PCBP3: variants seen among roughly 807,000 people sequenced by gnomAD.
The protein encoded by PCBP3 is poly(rC)-binding protein 3.
In PCBP3, 25 loss-of-function variants were observed where a neutral mutation model predicts 52.7. The observed-to-expected ratio is 0.47, with a 90% CI of 0.35 to 0.66. The LOEUF (loss-of-function observed/expected upper bound fraction) is 0.66, where lower values mean the gene tolerates loss of function less well. PCBP3 is among the 30% of genes least tolerant of loss of function. PCBP3 has a pLI of 0.01. For missense variants in PCBP3, 391 were observed against 490.3 expected, an observed-to-expected ratio of 0.80 and a Z score of 1.91; for synonymous variants, 162 against 183.0, an observed-to-expected ratio of 0.89 and a Z score of 0.93.
chr21:45,695,582 C>A (rs971964730), intron 2 of PCBP3, among the ~76,000 whole-genome samples: 3 of 152,154 alleles, frequency 2.0e-5, no homozygotes, highest in Non-Finnish European at 4.4e-5. Context: ...CCTTTACTGG[C>A]TTTTACATTT....
intron 9 of PCBP3, among the ~76,000 whole-genome samples, chr21:45,906,666 G>C (rs1818920387): frequency 6.6e-6 from 1 of 152,170 alleles, no homozygotes; most frequent in African/African-American, 2.4e-5. Flanking sequence ...CATGAGGCAG[G>C]GGTCTGCCCA....
chr21:45,924,245 C>A (rs377239375), intron 13 of PCBP3, among the ~76,000 whole-genome samples: 31 of 135,690 alleles, frequency 2.3e-4, no homozygotes, highest in Middle Eastern at 3.8e-3. Flanking sequence ...GGAACAGTCG[C>A]GTGGATAGAA....
intron 2 of PCBP3, among the ~76,000 whole-genome samples, chr21:45,689,613 A>G (rs557679872): frequency 3.9e-5 from 6 of 152,234 alleles, no homozygotes; most frequent in Admixed American, 1.3e-4. Context: ...AAAGGCATAC[A>G]TATTGGATAG....
In PCBP3 at chr21:45,710,148, T is replaced by A. The variant is rs73376697; in HGVS notation, c.-199-25244T>A. Reference sequence around the variant, plus strand: ...CTTCACTGTAAAGTGACTCTTCTTTTTTATTATTATTATTAGTGTTATACT... The same window carrying A: ...CTTCACTGTAAAGTGACTCTTCTTTATTATTATTATTATTAGTGTTATACT... On this transcript the variant is annotated intron_variant, in intron 2 of 17. Coordinates refer to ENST00000681687, the MANE Select transcript of PCBP3 (RefSeq NM_001384156.1). 4.9e-3 allele frequency among the ~76,000 whole-genome samples: 751 copies of A among 152,290 alleles called. 7 individuals carry two copies. The highest frequency in any genetic ancestry group is 0.016 in the African/African-American group (685 of 41,566).
chr21:45,814,654 TG>T (rs1261199003), intron 4 of PCBP3, among the ~76,000 whole-genome samples: 2 of 127,102 alleles, frequency 1.6e-5, no homozygotes, highest in Non-Finnish European at 1.6e-5. Context: ...GAGTGGTGAG[TG>T]AGTGGTGAGT....
chr21:45,840,374 G>T (rs892396035), intron 4 of PCBP3, among the ~76,000 whole-genome samples: 6 of 150,138 alleles, frequency 4.0e-5, no homozygotes, highest in African/African-American at 1.5e-4. Flanking sequence ...GGAGAATGGT[G>T]TGAACCCGGG....
chr21:45,776,055 AT>A (rs918207650), intron 4 of PCBP3, among the ~76,000 whole-genome samples: 3 of 151,762 alleles, frequency 2.0e-5, no homozygotes, highest in African/African-American at 4.8e-5. Flanking sequence ...TGTTTCAAGG[AT>A]TTTTTTTATT....
chr21:45,921,500 T>C (rs969480155), intron 13 of PCBP3, among the ~76,000 whole-genome samples: 1 of 152,218 alleles, frequency 6.6e-6, no homozygotes, highest in Non-Finnish European at 1.5e-5. Flanking sequence ...CTTGTTCTTA[T>C]TTAAGAATCA....
chr21:45,941,906 C>G lies in PCBP3; in HGVS notation c.*200C>G, dbSNP rs969865308. 2.3e-6 allele frequency: 1 copy of G among 434,850 alleles called. No individual in the cohort carries two copies. The highest frequency in any genetic ancestry group is 4.0e-6 in the Non-Finnish European group (1 of 246,998). The allele number at this position is 434,850 out of a possible 1,614,324, so 26.9% of individuals were successfully genotyped here. A position where few individuals can be genotyped will look rare whatever the true frequency, so the allele number is the denominator to read the frequency against. ...ACAGAGGCTGCAGGCTCCGCCGAGT[C>G]CCCCCTCAGTGTTATTTTATTTATG... On this transcript the variant is annotated 3_prime_UTR_variant, in exon 18 of 18. Coordinates refer to ENST00000681687, the MANE Select transcript of PCBP3 (RefSeq NM_001384156.1).
intron 5 of PCBP3, among the ~76,000 whole-genome samples, chr21:45,892,848 G>A (rs531957959): frequency 2.2e-4 from 34 of 152,282 alleles, no homozygotes; most frequent in African/African-American, 4.3e-4. Context: ...CTTAGTGACC[G>A]TCTCCACTGT....
chr21:45,855,532 T>C (rs1302190525), intron 5 of PCBP3, among the ~76,000 whole-genome samples: 19 of 152,222 alleles, frequency 1.2e-4, no homozygotes, highest in Non-Finnish European at 5.9e-5. Context: ...GGGAACCACA[T>C]ACAGAGCCCC....
At chr21:45,753,872 G>A (rs991336523) in intron 3 of PCBP3, among the ~76,000 whole-genome samples, 1 of 152,008 alleles carries the variant, frequency 6.6e-6, no homozygotes, top group South Asian at 2.1e-4. Context: ...TTAATATTGT[G>A]CAGCTTTCTC....
intron 4 of PCBP3, among the ~76,000 whole-genome samples, chr21:45,776,945 T>G (rs931170505): frequency 6.6e-6 from 1 of 152,178 alleles, no homozygotes; most frequent in Non-Finnish European, 1.5e-5. Flanking sequence ...TTAATTTGGG[T>G]GGATTTTTCT....
At chr21:45,803,227 T>C (rs2092374617) in intron 4 of PCBP3, among the ~76,000 whole-genome samples, 1 of 152,228 alleles carries the variant, frequency 6.6e-6, no homozygotes, top group Admixed American at 6.5e-5. Context: ...CTGGGGGTAG[T>C]GGCCATGCAA....
Position 45,736,608 on chromosome 21 carries a change from G to T in PCBP3, c.-162+1179G>T, listed in dbSNP as rs1031166173. Among the ~76,000 whole-genome samples, 1 of 152,156 alleles carries T rather than the reference G, an allele frequency of 6.6e-6. No homozygotes were observed. The highest frequency in any genetic ancestry group is 1.5e-5 in the Non-Finnish European group (1 of 68,012). On this transcript the variant is annotated intron_variant, in intron 3 of 17. Coordinates refer to ENST00000681687, the MANE Select transcript of PCBP3 (RefSeq NM_001384156.1). The surrounding 1 kb of genome is among the most constrained non-coding windows in gnomAD (Gnocchi z 4.6). ...GGGAGTTGGCAGGGGGAGGCTCTCG[G>T]AGAGATGGCATGGAGGGGTTGGGGC...
chr21:45,773,054 T>A (rs2089999428), intron 4 of PCBP3, among the ~76,000 whole-genome samples: 2 of 152,230 alleles, frequency 1.3e-5, no homozygotes, highest in African/African-American at 4.8e-5. Context: ...GATTGTTTTC[T>A]TTGCTGTGCA....
chr21:45,702,636 C>G (rs2083202787), intron 2 of PCBP3, among the ~76,000 whole-genome samples: 1 of 152,230 alleles, frequency 6.6e-6, no homozygotes, highest in Non-Finnish European at 1.5e-5. Context: ...GAGTCATCAT[C>G]TTCTCACTGG....
intron 2 of PCBP3, among the ~76,000 whole-genome samples, chr21:45,721,208 T>C (rs2084609842): frequency 6.6e-6 from 1 of 151,794 alleles, no homozygotes; most frequent in African/African-American, 2.4e-5. Flanking sequence ...AGGCCAGGAG[T>C]TTGAGACCAG....
rs1253256528 is a variant in PCBP3 at position 45,850,062 on chromosome 21, T to C, written c.-24T>C. ...TCTGAACCTTTGCTGTCTATGGATC[T>C]GCTCTAAACCTTATAGCCTGCTTAT... On this transcript the variant is annotated 5_prime_UTR_variant, in exon 5 of 18. Transcript: ENST00000681687. 2 of 1,547,490 alleles carry C rather than the reference T, an allele frequency of 1.3e-6. No individual in the cohort carries two copies. Among genetic ancestry groups the C allele is most frequent in the Non-Finnish European group, 1.7e-6 (2 of 1,143,240 alleles).
Sources: allele counts gnomAD v4.1 joint callset (sites outside exome capture counted in the v4.1 genomes callset), GRCh38; gene constraint gnomAD v4.1.1; non-coding constraint Gnocchi (gnomAD v3.1); transcripts MANE v1.5; gene names NCBI Gene and HGNC (gene_info 2026-07-23, HGNC 2026-07-21).